The following GLP2R variants were observed in gnomAD, a reference collection of about 807,000 sequenced individuals.
GLP2R encodes glucagon like peptide 2 receptor, also known as glucagon-like peptide 2 receptor.
In GLP2R, 59 loss-of-function variants were observed where a neutral mutation model predicts 68.2. That is an observed-to-expected ratio of 0.87 (90% CI 0.70 to 1.07). The LOEUF is 1.07. Ranked by LOEUF, GLP2R falls within the 50% of genes least tolerant of loss-of-function variation. The pLI, the probability that GLP2R is intolerant of heterozygous loss-of-function variation, is 0.00. For missense variants in GLP2R, 548 were observed against 677.4 expected (o/e 0.81, Z 2.12); for synonymous variants, 270 against 265.4 (o/e 1.02, Z -0.17).
At chr17:9,849,655 C>A (rs2066873960) in intron 4 of GLP2R, among the ~76,000 whole-genome samples, 1 of 148,606 alleles carries the variant, frequency 6.7e-6, no homozygotes, top group South Asian at 2.2e-4. Flanking sequence ...CTCTGTCGCC[C>A]AGGCTGGAGT....
At chr17:9,853,767 A>G (rs1401611803) in intron 4 of GLP2R, among the ~76,000 whole-genome samples, 1 of 152,228 alleles carries the variant, frequency 6.6e-6, no homozygotes, top group Non-Finnish European at 1.5e-5. Context: ...TTTAACTCCA[A>G]TGGTGAATTC....
At chr17:9,881,495 C>A (rs1011945128) in intron 11 of GLP2R, among the ~76,000 whole-genome samples, 12 of 140,516 alleles carry the variant, frequency 8.5e-5, no homozygotes, top group Non-Finnish European at 1.8e-4. Flanking sequence ...ATTCTCCTGC[C>A]TCAGCCTCCC....
Position 9,870,779 on chromosome 17 carries a change from G to C in GLP2R, c.1089G>C (p.Lys363Asn). The C allele has an allele frequency of 6.3e-7, 1 of 1,580,902 alleles. No individual in the cohort carries two copies. Among genetic ancestry groups the C allele is most frequent in the Non-Finnish European group, 8.7e-7 (1 of 1,149,554 alleles). ...VNFFIFLKIL[K>N]LLISKLKAHQ... ...TCTTCATCTTCCTGAAAATTCTCAA[G>C]CTTCTCATTTCTAAGCTCAAAGCTC... The change falls in exon 10 of 13, where the codon AAG (lysine) becomes AAC (asparagine). Residue 363 changes from lysine to asparagine, a missense_variant. By Grantham distance (94) the Lys-to-Asn change is moderately conservative (BLOSUM62 0). Transcript: ENST00000262441.
rs2067274153 is a variant in GLP2R, at chr17:9,889,642, C to T, written c.1599C>T (p.Cys533=). 1 of 1,610,762 alleles carries T rather than the reference C, an allele frequency of 6.2e-7. No individual in the cohort carries two copies. Among genetic ancestry groups the T allele is most frequent in the African/African-American group, 1.3e-5 (1 of 74,838 alleles). The change falls in exon 13 of 13, where the codon TGC becomes TGT. Residue 533 remains cysteine, a synonymous_variant. Transcript: ENST00000262441. Reference sequence around the variant, plus strand: ...CCCGGGGCAGCAGCCTGTCCGAGTGCAGTGAGGGGGATGTCACCATGGCCA... The same window carrying T: ...CCCGGGGCAGCAGCCTGTCCGAGTGTAGTGAGGGGGATGTCACCATGGCCA... ...RWPRGSSLSE[C]SEGDVTMANT... is the part of the protein sequence containing the mutation.
rs1455479110 is a variant in GLP2R, at chr17:9,846,214, ATT to A, written c.504+3599_504+3600del. 3.3e-5 allele frequency among the ~76,000 whole-genome samples: 5 copies of A among 152,324 alleles called. No individual in the cohort carries two copies. The East Asian group carries it at 9.6e-4, about 29-fold the overall frequency. ...CCTATTAGGTCCTCTAATATGTCAT[ATT>A]CTCTAAATAATACCAATTGCATACA... is the stretch of plus-strand genomic sequence containing the variant. On this transcript the variant is annotated intron_variant, in intron 4 of 12. Coordinates refer to ENST00000262441, the MANE Select transcript of GLP2R (RefSeq NM_004246.3).
At chr17:9,874,250 G>A (rs1352577754) in intron 10 of GLP2R, among the ~76,000 whole-genome samples, 1 of 152,174 alleles carries the variant, frequency 6.6e-6, no homozygotes, top group African/African-American at 2.4e-5. Flanking sequence ...ATGGCTGAGC[G>A]ATGATCCAGG....
intron 9 of GLP2R, chr17:9,865,714 C>T (rs2067029592): frequency 2.3e-6 from 1 of 434,796 alleles, no homozygotes. Flanking sequence ...TCTCTATCCC[C>T]TACCCTCCAC....
chr17:9,884,625 A>C (rs1221431330), intron 11 of GLP2R, among the ~76,000 whole-genome samples: 2 of 152,190 alleles, frequency 1.3e-5, no homozygotes, highest in Admixed American at 6.5e-5. Context: ...CGCCCACTGC[A>C]TGCTCACCAA....
chr17:9,840,007 A>G (rs1484506837), intron 3 of GLP2R, among the ~76,000 whole-genome samples: 1 of 144,146 alleles, frequency 6.9e-6, no homozygotes, highest in Non-Finnish European at 1.5e-5. Flanking sequence ...TTGGAGACAG[A>G]GTCTTGCTCT....
chr17:9,847,803 T>G (rs2066855056), intron 4 of GLP2R, among the ~76,000 whole-genome samples: 1 of 152,214 alleles, frequency 6.6e-6, no homozygotes, highest in Non-Finnish European at 1.5e-5. Context: ...GTTCGGGCTC[T>G]GTTCCTTCAG....
intron 1 of GLP2R, among the ~76,000 whole-genome samples, chr17:9,828,859 G>A (rs2066655981): frequency 6.6e-6 from 1 of 152,126 alleles, no homozygotes; most frequent in East Asian, 1.9e-4. Flanking sequence ...TGCTGGCAGT[G>A]TCTGCTTCCA....
rs759281175 is a variant in GLP2R, at chr17:9,889,452, A to C, written c.1409A>C (p.Asp470Ala). ...TGCAGAGCCTGTGTCCTGGGGAAGGACTTCCGGTTCCTAGGAAAATGTCCC... is the reference window on the plus strand; with the variant it reads ...TGCAGAGCCTGTGTCCTGGGGAAGGCCTTCCGGTTCCTAGGAAAATGTCCC... ...SGCRACVLGK[D>A]FRFLGKCPKK... Residue 470 changes from aspartate to alanine, a missense_variant, in exon 13 of 13, where the codon GAC becomes GCC. Coordinates refer to ENST00000262441, the MANE Select transcript of GLP2R (RefSeq NM_004246.3). 6.2e-7 allele frequency: 1 copy of C among 1,614,042 alleles called. No homozygotes were observed. Among genetic ancestry groups the C allele is most frequent in the East Asian group, 2.2e-5 (1 of 44,882 alleles).
At chr17:9,883,461 A>C (rs1488761067) in intron 11 of GLP2R, among the ~76,000 whole-genome samples, 2 of 152,210 alleles carry the variant, frequency 1.3e-5, no homozygotes, top group African/African-American at 4.8e-5. Context: ...AATGGTTGAA[A>C]ATTTTCCAAA....
At chr17:9,827,271 T>C (rs1173334654) in intron 1 of GLP2R, among the ~76,000 whole-genome samples, 1 of 152,164 alleles carries the variant, frequency 6.6e-6, no homozygotes, top group African/African-American at 2.4e-5. Flanking sequence ...ACAGCTGACA[T>C]CACTATGGAG....
intron 7 of GLP2R, among the ~76,000 whole-genome samples, chr17:9,860,591 A>G (rs917299571): frequency 6.6e-6 from 1 of 152,094 alleles, no homozygotes; most frequent in Non-Finnish European, 1.5e-5. Context: ...AAGGGCACTA[A>G]TCCTGTCATG....
intron 5 of GLP2R, among the ~76,000 whole-genome samples, chr17:9,856,513 A>G (rs1277990375): frequency 1.3e-5 from 2 of 152,224 alleles, no homozygotes; most frequent in Admixed American, 1.3e-4. Flanking sequence ...GCAAGGATGC[A>G]CAATGTCACA....
intron 11 of GLP2R, among the ~76,000 whole-genome samples, chr17:9,881,226 G>C (rs552668862): frequency 1.3e-5 from 2 of 152,184 alleles, no homozygotes; most frequent in African/African-American, 4.8e-5. Flanking sequence ...TCAAATAGCT[G>C]AGGCTAGTCT....
chr17:9,830,150 C>T (rs1159227805), intron 1 of GLP2R, among the ~76,000 whole-genome samples: 1 of 152,218 alleles, frequency 6.6e-6, no homozygotes, highest in Non-Finnish European at 1.5e-5. Flanking sequence ...CCTAGACTGA[C>T]AAAATTCAGT....
chr17:9,833,668 A>T (rs2066701392), intron 1 of GLP2R, 139 bp from the exon 2 acceptor site: 1 of 612,058 alleles, frequency 1.6e-6, no homozygotes, highest in East Asian at 2.8e-5. Flanking sequence ...AGAACATAAG[A>T]TGCTGAAGAA....
Sources: gnomAD v4.1 joint callset for allele counts (sites outside exome capture counted in the v4.1 genomes callset) on GRCh38, gnomAD v4.1.1 for gene constraint, MANE v1.5 for transcripts, NCBI Gene and HGNC (gene_info 2026-07-23, HGNC 2026-07-21) for gene names.